Variants in RBFOX2 observed in about 807,000 individuals in gnomAD.
RBFOX2 encodes the protein RNA binding fox-1 homolog 2.
A neutral mutation model predicts 49.1 loss-of-function variants in RBFOX2; 10 were observed. That is an observed-to-expected ratio of 0.20 (90% CI 0.13 to 0.35). The LOEUF (loss-of-function observed/expected upper bound fraction) is 0.35. RBFOX2 is among the 10% of genes least tolerant of loss of function. The probability of loss-of-function intolerance (pLI) is 1.00; values close to 1 mark genes in which losing one functional copy is unlikely to be tolerated. For synonymous variants in RBFOX2, 183 were observed against 187.4 expected (o/e 0.98, Z 0.19); for missense variants, 323 against 486.9 (o/e 0.66, Z 3.17).
At chr22:35,913,813 G>A (rs759879034) in intron 1 of RBFOX2, among the ~76,000 whole-genome samples, 1 of 151,888 alleles carries the variant, frequency 6.6e-6, no homozygotes, top group African/African-American at 2.4e-5. Context: ...CAAGCCAAAG[G>A]GAAAGAGAAA....
At chr22:35,772,439 T>G (rs1942934064) in intron 4 of RBFOX2, among the ~76,000 whole-genome samples, 1 of 152,162 alleles carries the variant, frequency 6.6e-6, no homozygotes, top group Non-Finnish European at 1.5e-5. Flanking sequence ...ACATTATTAG[T>G]GAGATGCTTA....
At chr22:35,980,324 C>A (rs1212515599) in intron 1 of RBFOX2, among the ~76,000 whole-genome samples, 1 of 152,068 alleles carries the variant, frequency 6.6e-6, no homozygotes. Flanking sequence ...AGGTTTTCAT[C>A]CTCAGAGATG....
intron 1 of RBFOX2, among the ~76,000 whole-genome samples, chr22:35,913,190 G>A (rs1345095771): frequency 1.3e-5 from 2 of 151,794 alleles, no homozygotes; most frequent in African/African-American, 2.4e-5. Context: ...AAAGTAAACC[G>A]TGGCCAGTTG....
At chr22:35,761,805 C>G (rs1353225963) in intron 6 of RBFOX2, among the ~76,000 whole-genome samples, 1 of 152,090 alleles carries the variant, frequency 6.6e-6, no homozygotes, top group Admixed American at 6.5e-5. Context: ...ACCTATCCTT[C>G]ATTTAAAAAA....
intron 2 of RBFOX2, among the ~76,000 whole-genome samples, chr22:35,796,672 T>G (rs1014699237): frequency 2.6e-5 from 4 of 152,214 alleles, no homozygotes; most frequent in African/African-American, 9.6e-5. Flanking sequence ...ATCATGCACT[T>G]TGCATGAATC....
chr22:35,928,301 C>T (rs1010849208), intron 1 of RBFOX2, among the ~76,000 whole-genome samples: 1 of 152,140 alleles, frequency 6.6e-6, no homozygotes, highest in Non-Finnish European at 1.5e-5. Flanking sequence ...TGCCACAAAA[C>T]AGCTTTATAT....
At chr22:35,949,371 C>A (rs894777927) in intron 1 of RBFOX2, among the ~76,000 whole-genome samples, 1 of 152,166 alleles carries the variant, frequency 6.6e-6, no homozygotes, top group Non-Finnish European at 1.5e-5. Context: ...CTATTCAAGT[C>A]CCTGCTTTCA....
chr22:35,821,753 C>T (rs375128461), intron 1 of RBFOX2: 8 of 518,548 alleles, frequency 1.5e-5, no homozygotes, highest in Non-Finnish European at 2.7e-5. Flanking sequence ...ACTGCTCTGA[C>T]CACCCCCAAG....
rs1172678834 is a variant in RBFOX2 at position 35,876,588 on chromosome 22, G to C, written c.-34+62259C>G. Among the ~76,000 whole-genome samples the C allele has an allele frequency of 2.6e-5, 4 of 152,026 alleles. No homozygotes were observed. The East Asian group carries it at 5.8e-4, about 22-fold the overall frequency. ...GGTTCACTTCCTCTGCTCTGAAAAA[G>C]GGTATTGTAGTCATTCTATAATCTA... On this transcript the variant is annotated intron_variant, in intron 1 of 13. Coordinates refer to the RBFOX2 transcript ENST00000359369.
intron 2 of RBFOX2, among the ~76,000 whole-genome samples, chr22:35,797,258 ATATT>A (rs1229233231): frequency 6.6e-6 from 1 of 152,208 alleles, no homozygotes; most frequent in African/African-American, 2.4e-5. Context: ...CAAAACTAAT[ATATT>A]TGAGTGCCAG....
chr22:35,870,464 T>C (rs1449642782), intron 1 of RBFOX2, among the ~76,000 whole-genome samples: 3 of 152,140 alleles, frequency 2.0e-5, no homozygotes, highest in Non-Finnish European at 4.4e-5. Context: ...AGAGCTAGAC[T>C]CCATCTCAAA....
At chr22:35,844,077 C>G (rs1447237592), upstream of RBFOX2, among the ~76,000 whole-genome samples, 3 of 152,162 alleles carry the variant, frequency 2.0e-5, no homozygotes, top group East Asian at 5.8e-4. Context: ...ATGGGTTATT[C>G]ATCCTTCAAG....
intron 2 of RBFOX2, among the ~76,000 whole-genome samples, chr22:35,798,887 A>ATT: frequency 6.6e-6 from 1 of 152,214 alleles, no homozygotes; most frequent in East Asian, 1.9e-4. Flanking sequence ...AATTACATCA[A>ATT]ACTAAGAAAA....
rs550171236 is a variant in RBFOX2, at chr22:35,852,486, T to A, written c.-33-42482A>T. Among the ~76,000 whole-genome samples, 556 of 128,980 alleles carry A rather than the reference T, an allele frequency of 4.3e-3. 1 individual carries two copies. The highest frequency in any genetic ancestry group is 5.5e-3 in the African/African-American group (193 of 35,082). The allele number at this position is 128,980 out of a possible 152,430, so 84.6% of individuals were successfully genotyped here. A position where few individuals can be genotyped will look rare whatever the true frequency, so the allele number is the denominator to read the frequency against. ...GGCAACATAGTGACACCTTTCTTTT[T>A]AAAAAAAAAAAAAAAAAAAGAATGT... On this transcript the variant is annotated intron_variant, in intron 1 of 13. Coordinates refer to the RBFOX2 transcript ENST00000359369.
intron 6 of RBFOX2, among the ~76,000 whole-genome samples, chr22:35,764,362 A>G (rs1258880144): frequency 2.6e-5 from 4 of 152,052 alleles, no homozygotes; most frequent in Non-Finnish European, 5.9e-5. Flanking sequence ...CGGTGGGCGG[A>G]TCACGAGGTC....
chr22:35,809,972 T>C lies in RBFOX2; in HGVS notation c.60A>G (p.Ala20=), dbSNP rs1428006835. The change falls in exon 2 of 12, where the codon GCA becomes GCG. Residue 20 remains alanine (A), a synonymous_variant. Coordinates refer to ENST00000405409, the Ensembl canonical transcript of RBFOX2. Reference sequence around the variant, plus strand: ...GGATGGTAGTAAAAGGCTGAACCATTGCGTCAGGAGTTGTTGTCGGCTCCT... The same window carrying C: ...GGATGGTAGTAAAAGGCTGAACCATCGCGTCAGGAGTTGTTGTCGGCTCCT... 5 of 1,614,096 alleles carry C rather than the reference T, an allele frequency of 3.1e-6. No individual in the cohort carries two copies. In the South Asian group the frequency reaches 4.4e-5, roughly 14 times the overall value.
chr22:35,750,754 A>AT, intron 9 of RBFOX2, among the ~76,000 whole-genome samples: 1 of 152,348 alleles, frequency 6.6e-6, no homozygotes, highest in Middle Eastern at 3.4e-3. Context: ...CAGCACTCAC[A>AT]TGTATGCTCG....
At chr22:36,000,744 T>C (rs1312251084) in intron 1 of RBFOX2, among the ~76,000 whole-genome samples, 2 of 152,150 alleles carry the variant, frequency 1.3e-5, no homozygotes, top group Non-Finnish European at 2.9e-5. Flanking sequence ...CTCTATCCTC[T>C]CGGGGCTCTT....
At chr22:35,829,841 G>A (rs945486451) in intron 1 of RBFOX2, among the ~76,000 whole-genome samples, 1 of 152,034 alleles carries the variant, frequency 6.6e-6, no homozygotes, top group East Asian at 1.9e-4. Context: ...CCTTTCCCCA[G>A]TTGCGGGAGT....
Sources: gnomAD v4.1 joint callset for allele counts (sites outside exome capture counted in the v4.1 genomes callset) on GRCh38, gnomAD v4.1.1 for gene constraint, MANE v1.5 for transcripts, NCBI Gene and HGNC (gene_info 2026-07-23, HGNC 2026-07-21) for gene names.